The following B4GALT5 variants were observed in gnomAD, a reference collection of about 807,000 sequenced individuals.
The protein encoded by B4GALT5 is UDP-Gal:beta-GlcNAc beta-1,4-galactosyltransferase 5.
B4GALT5 carries 11 observed loss-of-function variants against 45.0 expected under a neutral mutation model. The observed-to-expected ratio is 0.24, with a 90% confidence interval of 0.15 to 0.40. B4GALT5 has a LOEUF of 0.40. B4GALT5 is among the 10% of genes least tolerant of loss of function. The pLI, the probability that B4GALT5 is intolerant of heterozygous loss-of-function variation, is 1.00. For missense variants in B4GALT5, 337 were observed against 500.2 expected (o/e 0.67, Z 3.11); for synonymous variants, 185 against 182.9 (o/e 1.01, Z -0.09).
At chr20:49,689,344 A>C (rs1339952628) in intron 1 of B4GALT5, among the ~76,000 whole-genome samples, 1 of 152,262 alleles carries the variant, frequency 6.6e-6, no homozygotes, top group Non-Finnish European at 1.5e-5. Flanking sequence ...TATCAATCTC[A>C]AAGTTAAAAT....
intron 1 of B4GALT5, among the ~76,000 whole-genome samples, chr20:49,661,393 C>A (rs957520760): frequency 1.3e-5 from 2 of 152,154 alleles, no homozygotes; most frequent in African/African-American, 4.8e-5. Flanking sequence ...TGCCATCATG[C>A]CCAGCTAATT....
At chr20:49,661,780 T>A (rs1157050121) in intron 1 of B4GALT5, among the ~76,000 whole-genome samples, 1 of 152,164 alleles carries the variant, frequency 6.6e-6, no homozygotes, top group African/African-American at 2.4e-5. Flanking sequence ...TTCAACAAAT[T>A]ACAATGCAGT....
At chr20:49,705,000 G>GA (rs905473397) in intron 1 of B4GALT5, among the ~76,000 whole-genome samples, 29 of 145,448 alleles carry the variant, frequency 2.0e-4, no homozygotes, top group Non-Finnish European at 1.1e-4. Flanking sequence ...AACAAAAGGA[G>GA]AAAAAAAAAA....
At chr20:49,664,807 T>C (rs2085682122) in intron 1 of B4GALT5, among the ~76,000 whole-genome samples, 1 of 152,214 alleles carries the variant, frequency 6.6e-6, no homozygotes, top group African/African-American at 2.4e-5. Context: ...TTTCAAATGC[T>C]TCTGAAAAAA....
chr20:49,689,050 C>A (rs1005572797), intron 1 of B4GALT5, among the ~76,000 whole-genome samples: 1 of 151,440 alleles, frequency 6.6e-6, no homozygotes, highest in Non-Finnish European at 1.5e-5. Context: ...AGACTGAAAG[C>A]TGGAGGAGAA....
rs1406200924 is a variant in B4GALT5, at chr20:49,663,686, AAAAAATATATAC to A, written c.116-6996_116-6985del. 4.4e-3 allele frequency among the ~76,000 whole-genome samples: 33 copies of A among 7,528 alleles called. 2 individuals carry two copies. The highest frequency in any genetic ancestry group is 0.01 in the African/African-American group (32 of 3,142). The allele number at this position is 7,528 out of a possible 152,430, so 4.9% of individuals were successfully genotyped here. On this transcript the variant is annotated intron_variant, in intron 1 of 8. Transcript: ENST00000371711. The stretch of plus-strand genomic sequence containing the variant: ...AGAATTCATCTCAAGAAAAAAAAAA[AAAAAATATATAC>A]ATATATATATATATATATATATATA...
chr20:49,636,543 C>G, intron 8 of B4GALT5, 84 bp from the exon 9 acceptor site: 1 of 1,468,318 alleles, frequency 6.8e-7, no homozygotes. Context: ...GGGCGTCCCA[C>G]AGCAGAGGAC....
intron 1 of B4GALT5, among the ~76,000 whole-genome samples, chr20:49,676,856 T>C (rs888710087): frequency 2.6e-5 from 4 of 152,230 alleles, no homozygotes. Context: ...GTGTCTAAGA[T>C]GACTAGCACT....
chr20:49,707,646 A>C (rs539876219), intron 1 of B4GALT5, among the ~76,000 whole-genome samples: 61 of 152,212 alleles, frequency 4.0e-4, no homozygotes, highest in Non-Finnish European at 7.8e-4. Flanking sequence ...ACAGGGTCTC[A>C]CTCTGGGTAC....
intron 3 of B4GALT5, among the ~76,000 whole-genome samples, chr20:49,646,381 G>A (rs972760528): frequency 5.9e-5 from 9 of 151,946 alleles, no homozygotes; most frequent in South Asian, 2.1e-4. Context: ...TGCAGGCTCC[G>A]TTCATGGTAA....
intron 1 of B4GALT5, among the ~76,000 whole-genome samples, chr20:49,702,601 T>C (rs1008714803): frequency 6.6e-5 from 10 of 152,046 alleles, no homozygotes; most frequent in Admixed American, 6.6e-4. Context: ...ATGCCTGTAA[T>C]CCCAGCACTC....
At chr20:49,675,273 TGA>T (rs2085732699) in intron 1 of B4GALT5, among the ~76,000 whole-genome samples, 2 of 152,200 alleles carry the variant, frequency 1.3e-5, no homozygotes, top group African/African-American at 4.8e-5. Flanking sequence ...ACAGTCAAGC[TGA>T]GAGTTAAAAC....
At chr20:49,676,198 A>T (rs1370103593) in intron 1 of B4GALT5, among the ~76,000 whole-genome samples, 2 of 151,984 alleles carry the variant, frequency 1.3e-5, no homozygotes, top group Non-Finnish European at 1.5e-5. Context: ...GTAGAGAGAG[A>T]GAGTGTGTGT....
intron 1 of B4GALT5, among the ~76,000 whole-genome samples, chr20:49,673,609 A>C (rs2085724851): frequency 6.6e-6 from 1 of 152,208 alleles, no homozygotes; most frequent in African/African-American, 2.4e-5. Context: ...CTGGATGAGG[A>C]CTGGATATTA....
At position 49,713,496 on chromosome 20, in the gene B4GALT5, C is replaced by T. The variant is rs528940606; in HGVS notation, c.115+80G>A. 209 of 1,428,438 alleles carry T rather than the reference C, an allele frequency of 1.5e-4. 1 individual carries two copies. The South Asian group carries it at 1.8e-3, about 12-fold the overall frequency. The allele number at this position is 1,428,438 out of a possible 1,614,324, so 88.5% of individuals were successfully genotyped here. ...GCTCAGGGCCGCCTCCCGGCCGGGG[C>T]CCCTTAGGGAGGGGCGGGGATTCCC... On this transcript the variant is annotated intron_variant, in intron 1 of 8. Coordinates refer to ENST00000371711, the MANE Select transcript of B4GALT5 (RefSeq NM_004776.4).
intron 1 of B4GALT5, among the ~76,000 whole-genome samples, chr20:49,704,097 C>T (rs918523197): frequency 6.6e-6 from 1 of 152,138 alleles, no homozygotes; most frequent in African/African-American, 2.4e-5. Context: ...TGACCTTCAC[C>T]AGCCAAGTCT....
chr20:49,708,506 T>G (rs558214911), intron 1 of B4GALT5, among the ~76,000 whole-genome samples: 4 of 152,324 alleles, frequency 2.6e-5, no homozygotes, highest in African/African-American at 9.6e-5. Flanking sequence ...TTAGAATTAC[T>G]GGCTCCTGCC....
chr20:49,672,204 T>C lies in B4GALT5; in HGVS notation c.116-15502A>G, dbSNP rs914722260. 9.8e-4 allele frequency among the ~76,000 whole-genome samples: 149 copies of C among 152,346 alleles called. 1 individual carries two copies. Among genetic ancestry groups the C allele is most frequent in the Non-Finnish European group, 1.5e-4 (10 of 68,038 alleles). On this transcript the variant is annotated intron_variant, in intron 1 of 8. Coordinates refer to ENST00000371711, the MANE Select transcript of B4GALT5 (RefSeq NM_004776.4). Reference sequence around the variant, plus strand: ...ATAATATATTTTAATCACATTATTGTTAGCCTGGAAGCTTGTAACAGACTA... The same window carrying C: ...ATAATATATTTTAATCACATTATTGCTAGCCTGGAAGCTTGTAACAGACTA...
rs1984429241 is a variant in B4GALT5, at chr20:49,633,448, T to TTTTC, written c.*2863_*2864insGAAA. Reference sequence around the variant, plus strand: ...GTCACATTTGGTTCCTGTTTTTTTTTTTAACATGACAATTTCACACTATTA... The same window carrying TTTTC: ...GTCACATTTGGTTCCTGTTTTTTTTTTTTCTTAACATGACAATTTCACACTATTA... On this transcript the variant is annotated 3_prime_UTR_variant, in exon 9 of 9. Transcript: ENST00000371711. 6.6e-6 allele frequency: 1 copy of TTTTC among 151,826 alleles called. No individual in the cohort carries two copies. Among genetic ancestry groups the TTTTC allele is most frequent in the Non-Finnish European group, 1.5e-5 (1 of 67,972 alleles). 9.4% of individuals were successfully genotyped at this position (151,826 alleles called of 1,614,324 possible).
Sources: allele counts gnomAD v4.1 joint callset (sites outside exome capture counted in the v4.1 genomes callset), GRCh38; gene constraint gnomAD v4.1.1; transcripts MANE v1.5; gene names NCBI Gene and HGNC (gene_info 2026-07-23, HGNC 2026-07-21).